Variants in NDC80 observed in about 807,000 individuals in gnomAD.
NDC80 encodes NDC80 kinetochore complex component.
Under a neutral mutation model 89.3 loss-of-function variants are expected in NDC80, and 69 were observed. That is an observed-to-expected ratio of 0.77 (90% CI 0.64 to 0.94). The LOEUF (loss-of-function observed/expected upper bound fraction) is 0.94, where lower values mean the gene tolerates loss of function less well. Among genes scored for constraint, NDC80 ranks in the 40% least tolerant of loss-of-function variants. NDC80 has a pLI of 0.00. For synonymous variants in NDC80, 243 were observed against 255.6 expected (o/e 0.95, Z 0.47); for missense variants, 593 against 739.6 (o/e 0.80, Z 2.30).
intron 15 of NDC80, 101 bp from the exon 16 acceptor site, chr18:2,610,658 C>A: frequency 1.6e-6 from 1 of 609,192 alleles, no homozygotes; most frequent in Non-Finnish European, 2.8e-6. Context: ...AAATCAATCA[C>A]AGTTTGGTTT....
At chr18:2,613,693 A>G (rs766851808) in intron 16 of NDC80, among the ~76,000 whole-genome samples, 2 of 152,234 alleles carry the variant, frequency 1.3e-5, no homozygotes, top group Non-Finnish European at 2.9e-5. Context: ...GAGTTCTTAA[A>G]TTAGACACAA....
At chr18:2,614,161 G>T (rs1290252665) in intron 16 of NDC80, among the ~76,000 whole-genome samples, 1 of 152,082 alleles carries the variant, frequency 6.6e-6, no homozygotes, top group Non-Finnish European at 1.5e-5. Context: ...TTTGGTGGCT[G>T]GGCACAGTGG....
intron 6 of NDC80, among the ~76,000 whole-genome samples, chr18:2,583,711 A>T (rs2072589961): frequency 6.6e-6 from 1 of 151,706 alleles, no homozygotes; most frequent in Non-Finnish European, 1.5e-5. Flanking sequence ...AAAAAAAAAA[A>T]AAATCTGTCT....
chr18:2,587,740 T>G, intron 7 of NDC80, 90 bp from the exon 8 acceptor site: 1 of 1,023,258 alleles, frequency 9.8e-7, no homozygotes, highest in Non-Finnish European at 1.5e-6. Context: ...GACTATTTTT[T>G]AAATTCAAAT....
intron 7 of NDC80, among the ~76,000 whole-genome samples, chr18:2,586,455 C>A (rs1381324672): frequency 6.6e-6 from 1 of 152,154 alleles, no homozygotes; most frequent in Admixed American, 6.6e-5. Context: ...TCTTGCCAGA[C>A]ACAGTGGCTC....
At chr18:2,612,352 C>T (rs2111675) in intron 16 of NDC80, among the ~76,000 whole-genome samples, 27,141 of 137,522 alleles carry the variant, frequency 0.2, 2,968 homozygotes, top group South Asian at 0.23. Context: ...TGCAATGGCG[C>T]GATCTCGGCT....
At position 2,599,136 on chromosome 18, in the gene NDC80, G is replaced by A; in HGVS notation, c.1339G>A (p.Ala447Thr). The stretch of plus-strand genomic sequence containing the variant: ...AATTAAGTTTAATCCCGAGGCTGGT[G>A]CCAACTGCCTTGTCAAATACAGGGC... The part of the protein sequence containing the change: ...FEIKFNPEAG[A>T]NCLVKYRAQV... The change falls in exon 12 of 17, where the codon GCC becomes ACC. Residue 447 changes from alanine to threonine, a missense_variant. Ala to Thr is a moderately conservative substitution (Grantham distance 58). Transcript: ENST00000261597. 1 of 1,613,126 alleles carries A rather than the reference G, an allele frequency of 6.2e-7. No individual in the cohort carries two copies. Among genetic ancestry groups the A allele is most frequent in the South Asian group, 1.1e-5 (1 of 90,878 alleles).
chr18:2,589,827 TG>T (rs1171851829), intron 9 of NDC80, among the ~76,000 whole-genome samples, 190 bp from the exon 10 acceptor site: 2 of 123,524 alleles, frequency 1.6e-5, no homozygotes, highest in Admixed American at 7.5e-5. Flanking sequence ...CTAGCAATTG[TG>T]GTTTTTTTTT....
chr18:2,593,058 T>TGTG (rs1568003428), intron 10 of NDC80, among the ~76,000 whole-genome samples: 11 of 68,352 alleles, frequency 1.6e-4, no homozygotes, highest in East Asian at 1.2e-3. Context: ...GTGTGTGTCT[T>TGTG]TTTTTTTTTT....
intron 10 of NDC80, among the ~76,000 whole-genome samples, chr18:2,593,058 T>TGTGTGTG (rs1568003428): frequency 1.5e-5 from 1 of 68,344 alleles, no homozygotes; most frequent in Non-Finnish European, 2.9e-5. Flanking sequence ...GTGTGTGTCT[T>TGTGTGTG]TTTTTTTTTT....
At chr18:2,612,851 C>T (rs1277117530) in intron 16 of NDC80, among the ~76,000 whole-genome samples, 1 of 152,098 alleles carries the variant, frequency 6.6e-6, no homozygotes, top group Non-Finnish European at 1.5e-5. Flanking sequence ...AGTATAAATT[C>T]TTAATAGCTT....
At chr18:2,583,757 A>G (rs964357083) in intron 6 of NDC80, among the ~76,000 whole-genome samples, 2 of 151,960 alleles carry the variant, frequency 1.3e-5, no homozygotes, top group Non-Finnish European at 2.9e-5. Flanking sequence ...GACAAGGTAG[A>G]AGACCCAGTT....
chr18:2,601,529 T>G, intron 13 of NDC80, 44 bp downstream of exon 13: 1 of 883,000 alleles, frequency 1.1e-6, no homozygotes, highest in East Asian at 3.0e-5. Flanking sequence ...GAAAATTAGA[T>G]TTTAAAACCT....
At chr18:2,589,903 G>T in intron 9 of NDC80, 115 bp from the exon 10 acceptor site, 2 of 703,346 alleles carry the variant, frequency 2.8e-6, no homozygotes, top group Non-Finnish European at 4.0e-6. Flanking sequence ...AAAAATGAAA[G>T]GAAAACTCAA....
At chr18:2,608,404 C>T (rs140620590) in intron 14 of NDC80, among the ~76,000 whole-genome samples, 2 of 151,766 alleles carry the variant, frequency 1.3e-5, no homozygotes, top group Non-Finnish European at 2.9e-5. Flanking sequence ...TGGGGTTTCA[C>T]CTCGCTGGCC....
intron 5 of NDC80, 145 bp downstream of exon 5, chr18:2,578,286 G>A: frequency 2.8e-6 from 2 of 725,310 alleles, no homozygotes; most frequent in Non-Finnish European, 2.1e-6. Context: ...AAATTGAAGA[G>A]AAAAAAAGCA....
chr18:2,586,847 A>T (rs1211990573), intron 7 of NDC80, among the ~76,000 whole-genome samples: 1 of 152,224 alleles, frequency 6.6e-6, no homozygotes, highest in Non-Finnish European at 1.5e-5. Flanking sequence ...CACATGGGAA[A>T]CTATAAAGTA....
chr18:2,593,013 GGTGTGTGT>G lies in NDC80; in HGVS notation c.1016-2368_1016-2361del, dbSNP rs56851912. ...TGTCAGTAAAATATGAATAAACTCT[GGTGTGTGT>G]GTGTGTGTGTGTGTGTGTGTGTGTG... On this transcript the variant is annotated intron_variant, in intron 10 of 16. Transcript: ENST00000261597. 3.7e-3 allele frequency among the ~76,000 whole-genome samples: 396 copies of G among 108,422 alleles called. 2 individuals carry two copies. Among genetic ancestry groups the G allele is most frequent in the African/African-American group, 0.01 (270 of 26,632 alleles). 71.1% of individuals were successfully genotyped at this position (108,422 alleles called of 152,430 possible). A position where few individuals can be genotyped will look rare whatever the true frequency, so the allele number is the denominator to read the frequency against.
intron 6 of NDC80, among the ~76,000 whole-genome samples, chr18:2,583,646 G>A (rs1023974354): frequency 2.7e-5 from 4 of 149,710 alleles, no homozygotes; most frequent in Admixed American, 6.7e-5. Flanking sequence ...GCAGTGAGCC[G>A]AGATCTCAGC....
Sources: allele counts gnomAD v4.1 joint callset (sites outside exome capture counted in the v4.1 genomes callset), GRCh38; gene constraint gnomAD v4.1.1; transcripts MANE v1.5; gene names NCBI Gene and HGNC (gene_info 2026-07-23, HGNC 2026-07-21).